Variants in ECD observed in about 807,000 individuals in gnomAD.
ECD encodes protein ecdysoneless homolog.
Under a neutral mutation model 77.2 loss-of-function variants are expected in ECD, and 59 were observed. The ratio of observed to expected loss-of-function variants is 0.76; its 90% CI spans 0.62 to 0.95. ECD has a LOEUF of 0.95. ECD is among the 40% of genes least tolerant of loss of function. ECD has a pLI of 0.00. For missense variants in ECD, 704 were observed against 763.4 expected (o/e 0.92, Z 0.92); for synonymous variants, 233 against 267.4 (o/e 0.87, Z 1.26).
rs562163486 is a variant in ECD at position 73,138,685 on chromosome 10, G to A, written c.1422-615C>T. ...GGGGTCAAGCGATTCTCCTGCCTCA[G>A]CCTTTCAAGTAGCTGGGATTATAGG... On this transcript the variant is annotated intron_variant, in intron 11 of 13. Coordinates refer to ENST00000372979, the MANE Select transcript of ECD (RefSeq NM_007265.3). Among the ~76,000 whole-genome samples the A allele has an allele frequency of 2.0e-5, 3 of 152,206 alleles. No homozygotes were observed. The East Asian group carries it at 5.8e-4, about 29-fold the overall frequency.
At chr10:73,167,370 C>T (rs1195230423) in intron 1 of ECD, among the ~76,000 whole-genome samples, 3 of 152,002 alleles carry the variant, frequency 2.0e-5, no homozygotes, top group Admixed American at 6.6e-5. Flanking sequence ...TGCATTGATA[C>T]CTCTTAATTT....
chr10:73,144,975 A>G (rs1365942193), intron 9 of ECD, among the ~76,000 whole-genome samples: 1 of 152,212 alleles, frequency 6.6e-6, no homozygotes, highest in African/African-American at 2.4e-5. Context: ...CCCTGATTTG[A>G]TCATTATACA....
chr10:73,142,342 T>C (rs1315710378), intron 9 of ECD, among the ~76,000 whole-genome samples: 1 of 151,956 alleles, frequency 6.6e-6, no homozygotes, highest in East Asian at 1.9e-4. Flanking sequence ...AAAAAGTGTA[T>C]AGGTTTATCA....
At chr10:73,143,159 A>G (rs1364496041) in intron 9 of ECD, among the ~76,000 whole-genome samples, 1 of 152,158 alleles carries the variant, frequency 6.6e-6, no homozygotes, top group Non-Finnish European at 1.5e-5. Context: ...ATATATATGT[A>G]TCTATAAATA....
chr10:73,137,958 T>C, intron 12 of ECD, 45 bp downstream of exon 12: 1 of 1,443,400 alleles, frequency 6.9e-7, no homozygotes, highest in Non-Finnish European at 9.4e-7. Flanking sequence ...ACAGCCATAC[T>C]ACTAACAGTT....
chr10:73,137,725 G>A (rs1290711373), intron 12 of ECD, among the ~76,000 whole-genome samples: 6 of 150,238 alleles, frequency 4.0e-5, no homozygotes, highest in South Asian at 2.1e-4. Flanking sequence ...GCAGTGAGCC[G>A]AGATCGTGCC....
rs983882781 is a variant in ECD at position 73,163,431 on chromosome 10, T to A, written c.205+302A>T. Among the ~76,000 whole-genome samples, 3 of 152,186 alleles carry A rather than the reference T, an allele frequency of 2.0e-5. No homozygotes were observed. The South Asian group carries it at 6.2e-4, about 31-fold the overall frequency. ...AAGCCAGATGCCTGAAACTATTTAG[T>A]ATAGATACTTAGATACATTATGGCA... On this transcript the variant is annotated intron_variant, in intron 2 of 13. Transcript: ENST00000372979.
intron 12 of ECD, 69 bp downstream of exon 12, chr10:73,137,934 C>G: frequency 8.0e-7 from 1 of 1,244,442 alleles, no homozygotes; most frequent in East Asian, 2.7e-5. Flanking sequence ...ATCTCATAAA[C>G]CAATGCTCTA....
chr10:73,152,837 G>A (rs1396347508), intron 6 of ECD, among the ~76,000 whole-genome samples: 5 of 151,546 alleles, frequency 3.3e-5, no homozygotes, highest in African/African-American at 9.7e-5. Flanking sequence ...GCTTGAACCC[G>A]GGAGGTGGAG....
In ECD at chr10:73,148,292, T is replaced by C; in HGVS notation, c.1025A>G (p.Lys342Arg). ...AAGTCCTACCTTAAAGTAATCATTC[T>C]TTTTCAGACTTTCAAGGAAACTGGC... ...LWASFLESLK[K>R]NDYFKGLIEG... The change falls in exon 8 of 14, where the codon AAG becomes AGG. Residue 342 changes from lysine to arginine, a missense_variant. By Grantham distance (26) the Lys-to-Arg change is conservative. Around this residue, in one of 3 missense-constraint regions of ECD, gnomAD observed 559 missense variants for 583.7 expected, o/e 0.96. Coordinates refer to ENST00000372979, the MANE Select transcript of ECD (RefSeq NM_007265.3). 1.9e-6 allele frequency: 3 copies of C among 1,613,660 alleles called. No homozygotes were observed. The highest frequency in any genetic ancestry group is 1.3e-5 in the African/African-American group (1 of 75,042).
chr10:73,151,723 T>C (rs900673778), intron 7 of ECD, among the ~76,000 whole-genome samples: 2 of 152,204 alleles, frequency 1.3e-5, no homozygotes, highest in Non-Finnish European at 2.9e-5. Flanking sequence ...ACTATGTTCA[T>C]AGTTCTGAAC....
At position 73,163,821 on chromosome 10, in the gene ECD, A is replaced by G; in HGVS notation, c.117T>C (p.Ile39=). 6.2e-7 allele frequency: 1 copy of G among 1,614,190 alleles called. No individual in the cohort carries two copies. Among genetic ancestry groups the G allele is most frequent in the African/African-American group, 1.3e-5 (1 of 75,054 alleles). Residue 39 remains isoleucine (I), a synonymous_variant, in exon 2 of 14, where the codon ATT becomes ATC. Transcript: ENST00000372979. The part of the protein sequence containing the change: ...DKHKEILQKY[I]ERIITRFAPM... ...GTGCAAACCGAGTGATTATTCTCTC[A>G]ATGTACTTCTGAAGAATCTCTTTAT...
At chr10:73,151,099 C>T (rs1269415713) in intron 7 of ECD, among the ~76,000 whole-genome samples, 1 of 152,016 alleles carries the variant, frequency 6.6e-6, no homozygotes, top group Non-Finnish European at 1.5e-5. Context: ...TGGCACTATT[C>T]ACAATAGCAA....
rs1843364533 is a variant in ECD, at chr10:73,160,700, T to G, written c.206-149A>C. The stretch of plus-strand genomic sequence containing the variant: ...TTGCAATCCTGAAGAAGAAGCCTAC[T>G]CCTGAGGAGCTCAGGGTAAAACAAG... On this transcript the variant is annotated intron_variant, in intron 2 of 13. Transcript: ENST00000372979. The G allele has an allele frequency of 7.5e-6, 4 of 535,866 alleles. No individual in the cohort carries two copies. The South Asian group carries it at 9.9e-5, about 13-fold the overall frequency. 33.2% of individuals were successfully genotyped at this position (535,866 alleles called of 1,614,324 possible). A position where few individuals can be genotyped will look rare whatever the true frequency, so the allele number is the denominator to read the frequency against.
intron 9 of ECD, among the ~76,000 whole-genome samples, chr10:73,140,497 C>A (rs933786004): frequency 6.6e-6 from 1 of 151,294 alleles, no homozygotes; most frequent in African/African-American, 2.4e-5. Flanking sequence ...ACTTGGCCAA[C>A]ATGGTGAAAC....
Position 73,136,799 on chromosome 10 carries a change from C to T in ECD, c.1609G>A (p.Gly537Arg), listed in dbSNP as rs938655879. 2.5e-6 allele frequency: 4 copies of T among 1,613,922 alleles called. No individual in the cohort carries two copies. Among genetic ancestry groups the T allele is most frequent in the Non-Finnish European group, 3.4e-6 (4 of 1,180,012 alleles). ...TATGACTTGAGATTATCAAGTGTTC[C>T]TTTCAGGGAAGCCTCTTCGCCAGGT... ...HEPGEEASLK[G>R]TLDNLKSYMA... The change falls in exon 13 of 14, where the codon GGA becomes AGA. Residue 537 changes from glycine (G) to arginine (R), a missense_variant. Transcript: ENST00000372979.
At chr10:73,145,885 C>T (rs982569048) in intron 9 of ECD, among the ~76,000 whole-genome samples, 1 of 151,896 alleles carries the variant, frequency 6.6e-6, no homozygotes. Context: ...CCTCGTGATC[C>T]GCCTGCCTCG....
In ECD at chr10:73,156,602, G is replaced by A; in HGVS notation, c.377C>T (p.Pro126Leu). Residue 126 changes from proline to leucine, a missense_variant, in exon 4 of 14, where the codon CCT becomes CTT. Coordinates refer to ENST00000372979, the MANE Select transcript of ECD (RefSeq NM_007265.3). ...FLLIEAADFLPKWLDPENSTN... is the reference protein window; with the variant it reads ...FLLIEAADFLLKWLDPENSTN... ...GCTATTTTCAGGATCCAGCCATTTA[G>A]GGAGAAAGTCAGCAGCTTCTATTAA... 1 of 1,614,082 alleles carries A rather than the reference G, an allele frequency of 6.2e-7. No homozygotes were observed. Among genetic ancestry groups the A allele is most frequent in the Middle Eastern group, 1.7e-4 (1 of 5,994 alleles).
intron 1 of ECD, among the ~76,000 whole-genome samples, chr10:73,165,082 T>C (rs1251832656): frequency 6.6e-6 from 1 of 152,176 alleles, no homozygotes; most frequent in Non-Finnish European, 1.5e-5. Context: ...ACTTTCTCTT[T>C]CTGGGTTTTT....
Sources: gnomAD v4.1 joint callset for allele counts (sites outside exome capture counted in the v4.1 genomes callset) on GRCh38, gnomAD v4.1.1 for gene constraint, gnomAD v4.1.1 regional missense constraint, MANE v1.5 for transcripts, NCBI Gene and HGNC (gene_info 2026-07-23, HGNC 2026-07-21) for gene names.